Variants in DDX10 observed in about 807,000 individuals in gnomAD.
DDX10 encodes the protein probable ATP-dependent RNA helicase DDX10.
Under a neutral mutation model 104.3 loss-of-function variants are expected in DDX10, and 74 were observed. The observed-to-expected ratio is 0.71, with a 90% CI of 0.59 to 0.86. The LOEUF is 0.86. DDX10 is among the 40% of genes least tolerant of loss of function. The probability of loss-of-function intolerance (pLI) is 0.00; values close to 1 mark genes in which losing one functional copy is unlikely to be tolerated. For synonymous variants in DDX10, 351 were observed against 353.4 expected (o/e 0.99, Z 0.08); for missense variants, 952 against 1,040.0 (o/e 0.92, Z 1.16).
At chr11:108,743,575 T>A (rs756971624) in intron 13 of DDX10, among the ~76,000 whole-genome samples, 6 of 152,260 alleles carry the variant, frequency 3.9e-5, no homozygotes, top group Non-Finnish European at 7.4e-5. Flanking sequence ...TATTAGTAAT[T>A]TTATTTTAGA....
intron 6 of DDX10, among the ~76,000 whole-genome samples, chr11:108,683,144 G>A (rs1286457664): frequency 6.6e-6 from 1 of 152,110 alleles, no homozygotes; most frequent in Non-Finnish European, 1.5e-5. Flanking sequence ...AAAAGACTGA[G>A]GTATCTACCA....
chr11:108,677,653 T>C, intron 4 of DDX10, among the ~76,000 whole-genome samples: 1 of 150,182 alleles, frequency 6.7e-6, no homozygotes, highest in East Asian at 1.9e-4. Context: ...ATGTTTATAG[T>C]AGGTCAAGAT....
chr11:108,835,653 G>C (rs1195472949), intron 13 of DDX10, among the ~76,000 whole-genome samples: 2 of 152,200 alleles, frequency 1.3e-5, no homozygotes, highest in South Asian at 2.1e-4. Context: ...TCAAGGGCCC[G>C]TTACAAAGTT....
intron 13 of DDX10, 119 bp downstream of exon 13, chr11:108,723,581 T>C (rs1591801588): frequency 1.1e-5 from 11 of 970,736 alleles, no homozygotes; most frequent in East Asian, 5.3e-5. Context: ...TTCTTTGCAA[T>C]GAACTCTTCC....
At chr11:108,784,688 T>G (rs567815793) in intron 13 of DDX10, among the ~76,000 whole-genome samples, 48 of 152,324 alleles carry the variant, frequency 3.2e-4, no homozygotes, top group African/African-American at 1.0e-3. Context: ...AGAAGCTCTT[T>G]CGTTTAATTA....
chr11:108,801,558 C>A (rs1290839185), intron 13 of DDX10, among the ~76,000 whole-genome samples: 1 of 152,178 alleles, frequency 6.6e-6, no homozygotes, highest in Non-Finnish European at 1.5e-5. Context: ...AATTTCCTAA[C>A]CTCTTACAGC....
intron 13 of DDX10, among the ~76,000 whole-genome samples, chr11:108,748,238 C>G (rs1040488887): frequency 6.6e-6 from 1 of 152,154 alleles, no homozygotes; most frequent in Non-Finnish European, 1.5e-5. Context: ...CACAGAGATA[C>G]GAAGCTAGGG....
rs185317355 is a variant in DDX10, at chr11:108,817,804, G to C, written c.1966-20642G>C. On this transcript the variant is annotated intron_variant, in intron 13 of 17. Coordinates refer to ENST00000322536, the MANE Select transcript of DDX10 (RefSeq NM_004398.4). ...TGCAAAGTACAGATAGAATAGGAAT[G>C]ACTGATGGGAAACTTAATATGCGGC... Among the ~76,000 whole-genome samples, 74 of 152,318 alleles carry C rather than the reference G, an allele frequency of 4.9e-4. No homozygotes were observed. The East Asian group carries it at 0.014, about 28-fold the overall frequency.
At chr11:108,854,658 T>C (rs536335528) in intron 16 of DDX10, among the ~76,000 whole-genome samples, 1 of 152,246 alleles carries the variant, frequency 6.6e-6, no homozygotes, top group Non-Finnish European at 1.5e-5. Flanking sequence ...TAGCTGTCTT[T>C]CTACCTTGTT....
intron 13 of DDX10, among the ~76,000 whole-genome samples, chr11:108,787,275 T>A (rs1360354574): frequency 6.6e-6 from 1 of 152,162 alleles, no homozygotes; most frequent in Non-Finnish European, 1.5e-5. Context: ...GCCTTTCAGG[T>A]TTTTTTCTTT....
At chr11:108,897,146 A>G (rs918218036) in intron 16 of DDX10, among the ~76,000 whole-genome samples, 1 of 152,200 alleles carries the variant, frequency 6.6e-6, no homozygotes, top group Non-Finnish European at 1.5e-5. Flanking sequence ...CCAAGGAAGC[A>G]CAAATTATCT....
chr11:108,795,704 G>A (rs1861932066), intron 13 of DDX10, among the ~76,000 whole-genome samples: 1 of 152,078 alleles, frequency 6.6e-6, no homozygotes, highest in South Asian at 2.1e-4. Context: ...GTATTCCATG[G>A]TGTATATGTG....
chr11:108,873,791 C>G (rs1207999277), intron 16 of DDX10, among the ~76,000 whole-genome samples: 1 of 152,160 alleles, frequency 6.6e-6, no homozygotes, highest in Non-Finnish European at 1.5e-5. Flanking sequence ...ATTTGCAATA[C>G]AAAGCTACTT....
At chr11:108,746,135 C>T (rs1258660636) in intron 13 of DDX10, among the ~76,000 whole-genome samples, 2 of 152,018 alleles carry the variant, frequency 1.3e-5, no homozygotes, top group East Asian at 1.9e-4. Context: ...TTTACTTATT[C>T]TAGACGTAAG....
At position 108,721,290 on chromosome 11, in the gene DDX10, G is replaced by C. The variant is rs189792515; in HGVS notation, c.1499+1405G>C. On this transcript the variant is annotated intron_variant, in intron 12 of 17. Transcript: ENST00000322536. The stretch of plus-strand genomic sequence containing the variant: ...CTGCTGACTTTCCATTTAAGTGACA[G>C]ATGGAAAGCCACATGCCATGGATAA... Among the ~76,000 whole-genome samples, 512 of 152,264 alleles carry C rather than the reference G, an allele frequency of 3.4e-3. 1 individual carries two copies. Among genetic ancestry groups the C allele is most frequent in the Non-Finnish European group, 6.2e-3 (419 of 68,010 alleles).
chr11:108,750,571 TTAGAG>T (rs893438221), intron 13 of DDX10, among the ~76,000 whole-genome samples: 14 of 152,132 alleles, frequency 9.2e-5, no homozygotes, highest in Non-Finnish European at 1.6e-4. Context: ...GGGGCCCTTC[TTAGAG>T]TAATGTTTCT....
chr11:108,743,804 A>C (rs2094328121), intron 13 of DDX10, among the ~76,000 whole-genome samples: 1 of 152,178 alleles, frequency 6.6e-6, no homozygotes, highest in Non-Finnish European at 1.5e-5. Flanking sequence ...AAATGGAAGC[A>C]GGTGTCCCAT....
chr11:108,798,042 T>C (rs1198260984), intron 13 of DDX10, among the ~76,000 whole-genome samples: 1 of 152,236 alleles, frequency 6.6e-6, no homozygotes, highest in South Asian at 2.1e-4. Flanking sequence ...AAACTGTCAC[T>C]TGACTCCCTA....
At chr11:108,747,964 C>T (rs951196257) in intron 13 of DDX10, among the ~76,000 whole-genome samples, 1 of 151,992 alleles carries the variant, frequency 6.6e-6, no homozygotes, top group African/African-American at 2.4e-5. Flanking sequence ...AAAAAATTGT[C>T]TGTGTAGGGG....
Sources: allele counts gnomAD v4.1 joint callset (sites outside exome capture counted in the v4.1 genomes callset), GRCh38; gene constraint gnomAD v4.1.1; transcripts MANE v1.5; gene names NCBI Gene and HGNC (gene_info 2026-07-23, HGNC 2026-07-21).